DPYD: variants seen among roughly 807,000 people sequenced by gnomAD.
DPYD encodes dihydropyrimidine dehydrogenase [NADP(+)].
A neutral mutation model predicts 116.2 loss-of-function variants in DPYD; 109 were observed. The ratio of observed to expected loss-of-function variants is 0.94; its 90% CI spans 0.80 to 1.10. The LOEUF is 1.10. Ranked by LOEUF, DPYD falls within the 50% of genes least tolerant of loss-of-function variation. The pLI is 0.00. For synonymous variants in DPYD, 440 were observed against 432.0 expected (o/e 1.02, Z -0.23); for missense variants, 1,302 against 1,254.5 (o/e 1.04, Z -0.57).
At chr1:97,817,633 GTCT>G (rs966659192) in intron 3 of DPYD, among the ~76,000 whole-genome samples, 1 of 151,954 alleles carries the variant, frequency 6.6e-6, no homozygotes, top group African/African-American at 2.4e-5. Flanking sequence ...TATTCTATTA[GTCT>G]TCTTTAGTTG....
chr1:97,522,156 A>G (rs953289542), intron 12 of DPYD, among the ~76,000 whole-genome samples: 7 of 152,378 alleles, frequency 4.6e-5, no homozygotes, highest in African/African-American at 1.7e-4. Context: ...TAGTCTATCC[A>G]TCTGACAAAG....
At chr1:97,200,972 A>G (rs1403999969) in intron 19 of DPYD, among the ~76,000 whole-genome samples, 5 of 152,192 alleles carry the variant, frequency 3.3e-5, no homozygotes, top group Admixed American at 3.3e-4. Flanking sequence ...CATTGAATGC[A>G]GTGCCCAAAA....
intron 14 of DPYD, among the ~76,000 whole-genome samples, chr1:97,437,707 T>TA (rs1675545870): frequency 6.6e-6 from 1 of 152,002 alleles, no homozygotes; most frequent in Non-Finnish European, 1.5e-5. Flanking sequence ...TATTTCTTTA[T>TA]AAACGAGTTT....
chr1:97,529,587 C>T (rs911425302), intron 12 of DPYD, among the ~76,000 whole-genome samples: 47 of 152,218 alleles, frequency 3.1e-4, no homozygotes, highest in African/African-American at 1.0e-3. Flanking sequence ...CTACAATCCA[C>T]GTCACAAACA....
chr1:97,698,164 G>A (rs1661404529), intron 6 of DPYD, among the ~76,000 whole-genome samples: 1 of 151,810 alleles, frequency 6.6e-6, no homozygotes, highest in Non-Finnish European at 1.5e-5. Context: ...CATCAGTACA[G>A]AAGAATAATT....
At chr1:97,888,955 A>C (rs1479977991) in intron 1 of DPYD, among the ~76,000 whole-genome samples, 1 of 151,948 alleles carries the variant, frequency 6.6e-6, no homozygotes. Flanking sequence ...TCAGGAGTTC[A>C]AGACCAGCCT....
At chr1:97,484,668 T>G (rs777839691) in intron 13 of DPYD, among the ~76,000 whole-genome samples, 25 of 152,212 alleles carry the variant, frequency 1.6e-4, no homozygotes, top group Non-Finnish European at 3.2e-4. Flanking sequence ...TTCCTGTCTT[T>G]TCTTTCCTGT....
At chr1:97,764,280 T>C (rs982759734) in intron 3 of DPYD, among the ~76,000 whole-genome samples, 6 of 152,086 alleles carry the variant, frequency 3.9e-5, no homozygotes, top group African/African-American at 1.4e-4. Context: ...ATCCATAAAA[T>C]TCTAGCACTA....
chr1:97,409,750 C>G (rs1274274221), intron 14 of DPYD, among the ~76,000 whole-genome samples: 5 of 152,118 alleles, frequency 3.3e-5, no homozygotes, highest in Non-Finnish European at 7.4e-5. Flanking sequence ...TGGTGTTCTT[C>G]CACATCTTCT....
chr1:97,318,782 T>C (rs1018643039), intron 16 of DPYD, among the ~76,000 whole-genome samples: 3 of 149,152 alleles, frequency 2.0e-5, no homozygotes, highest in African/African-American at 7.4e-5. Flanking sequence ...ATATACATTT[T>C]TTTCAGCACC....
chr1:97,720,591 T>C, intron 5 of DPYD: 10 of 1,115,660 alleles, frequency 9.0e-6, no homozygotes, highest in Non-Finnish European at 1.1e-5. Context: ...ATAACCCTGA[T>C]TTATTACTAA....
intron 16 of DPYD, among the ~76,000 whole-genome samples, chr1:97,322,201 A>G: frequency 6.7e-6 from 1 of 149,382 alleles, no homozygotes; most frequent in Non-Finnish European, 1.5e-5. Flanking sequence ...AACCTGCACA[A>G]TGTGCACATG....
At chr1:97,414,052 C>T (rs1283353618) in intron 14 of DPYD, among the ~76,000 whole-genome samples, 1 of 151,994 alleles carries the variant, frequency 6.6e-6, no homozygotes, top group East Asian at 1.9e-4. Context: ...AGTGACTTCA[C>T]TCAGAAATAG....
intron 20 of DPYD, among the ~76,000 whole-genome samples, chr1:97,132,316 A>G (rs910264864): frequency 6.6e-6 from 1 of 152,108 alleles, no homozygotes; most frequent in African/African-American, 2.4e-5. Flanking sequence ...TCCTCAAGTG[A>G]TATACAAATG....
intron 3 of DPYD, among the ~76,000 whole-genome samples, chr1:97,773,655 C>T (rs1666254448): frequency 6.6e-6 from 1 of 152,220 alleles, no homozygotes; most frequent in East Asian, 1.9e-4. Flanking sequence ...TGTTTGCCAT[C>T]GATGGCAGAA....
At chr1:97,512,193 A>G (rs958836078) in intron 13 of DPYD, among the ~76,000 whole-genome samples, 1 of 151,896 alleles carries the variant, frequency 6.6e-6, no homozygotes, top group Non-Finnish European at 1.5e-5. Flanking sequence ...TATGGGGTAT[A>G]AGGTTGTGTT....
At chr1:97,592,882 C>T (rs527614270) in intron 10 of DPYD, among the ~76,000 whole-genome samples, 7 of 152,272 alleles carry the variant, frequency 4.6e-5, no homozygotes, top group African/African-American at 1.7e-4. Context: ...TTCTAATATG[C>T]ATACATTTTG....
At chr1:97,160,412 G>T (rs187735547) in intron 20 of DPYD, among the ~76,000 whole-genome samples, 260 of 152,034 alleles carry the variant, frequency 1.7e-3, no homozygotes, top group African/African-American at 6.0e-3. Context: ...TATCTTTTCT[G>T]TAGTACTGAT....
intron 12 of DPYD, among the ~76,000 whole-genome samples, chr1:97,545,076 G>T (rs1472536669): frequency 6.6e-6 from 1 of 152,054 alleles, no homozygotes; most frequent in East Asian, 1.9e-4. Context: ...GAGTTTTTAA[G>T]AGATAGAATA....
Sources: allele counts gnomAD v4.1 joint callset (sites outside exome capture counted in the v4.1 genomes callset), GRCh38; gene constraint gnomAD v4.1.1; transcripts MANE v1.5; gene names NCBI Gene and HGNC (gene_info 2026-07-23, HGNC 2026-07-21).